Variants in TOR1AIP1 observed in about 807,000 individuals in gnomAD.
TOR1AIP1 encodes the protein torsin-1A-interacting protein 1.
A neutral mutation model predicts 63.3 loss-of-function variants in TOR1AIP1; 54 were observed. The observed-to-expected ratio is 0.85, with a 90% CI of 0.69 to 1.07. The LOEUF is 1.07. Among genes scored for constraint, TOR1AIP1 ranks in the 50% least tolerant of loss-of-function variants. TOR1AIP1 has a pLI of 0.00. For synonymous variants in TOR1AIP1, 294 were observed against 273.5 expected (o/e 1.07, Z -0.74); for missense variants, 736 against 715.0 (o/e 1.03, Z -0.33).
At chr1:179,913,367 T>C (rs1648899076) in intron 8 of TOR1AIP1, among the ~76,000 whole-genome samples, 1 of 152,200 alleles carries the variant, frequency 6.6e-6, no homozygotes, top group Admixed American at 6.5e-5. Context: ...AAAACAGAAT[T>C]ACTTTATTAC....
chr1:179,913,781 C>T (rs905843653), intron 8 of TOR1AIP1, among the ~76,000 whole-genome samples: 1 of 152,192 alleles, frequency 6.6e-6, no homozygotes, highest in Admixed American at 6.5e-5. Flanking sequence ...CTAGACCCCA[C>T]CATATGCTGT....
chr1:179,883,709 A>G (rs1329420266), intron 1 of TOR1AIP1: 2 of 456,272 alleles, frequency 4.4e-6, no homozygotes, highest in Non-Finnish European at 8.8e-6. Flanking sequence ...CCTGAAAAAC[A>G]AGACTATTAA....
At chr1:179,917,023 A>G (rs1187868780) in intron 9 of TOR1AIP1, among the ~76,000 whole-genome samples, 2 of 152,136 alleles carry the variant, frequency 1.3e-5, no homozygotes, top group Non-Finnish European at 2.9e-5. Flanking sequence ...TACTTCAGAA[A>G]TATTTCACCT....
At chr1:179,901,231 T>A in intron 4 of TOR1AIP1, 71 bp from the exon 5 acceptor site, 1 of 998,178 alleles carries the variant, frequency 1.0e-6, no homozygotes, top group Non-Finnish European at 1.5e-6. Flanking sequence ...ATTATTTGCT[T>A]GGTTTTTTTA....
At chr1:179,893,155 A>G (rs1005199780) in intron 3 of TOR1AIP1, among the ~76,000 whole-genome samples, 1 of 151,984 alleles carries the variant, frequency 6.6e-6, no homozygotes, top group African/African-American at 2.4e-5. Context: ...GGCAGGGAGA[A>G]TTGCCTGAAC....
intron 6 of TOR1AIP1, 147 bp from the exon 7 acceptor site, chr1:179,907,676 A>G: frequency 3.3e-6 from 1 of 299,576 alleles, no homozygotes; most frequent in Non-Finnish European, 6.1e-6. Flanking sequence ...TACTTTATAT[A>G]TTTATATGCT....
At chr1:179,897,469 T>G (rs1648323567) in intron 3 of TOR1AIP1, among the ~76,000 whole-genome samples, 1 of 152,166 alleles carries the variant, frequency 6.6e-6, no homozygotes, top group Admixed American at 6.6e-5. Flanking sequence ...TATCTTCAAA[T>G]GTATACAGAT....
Position 179,918,172 on chromosome 1 carries a change from G to A in TOR1AIP1, c.1685G>A (p.Ser562Asn). ...MDPDKLNGLW[S>N]RISHLVLPVQ... ...CCAGACAAACTGAATGGCCTCTGGA[G>A]CCGTATTTCTCACTTAGTTCTGCCT... Residue 562 changes from serine (S) to asparagine (N), a missense_variant, in exon 10 of 10, where the codon AGC becomes AAC. Physicochemically the swap from Ser to Asn is conservative, Grantham distance 46. This residue lies in a region of TOR1AIP1 where 272 missense variants were observed against 344.1 expected (regional missense o/e 0.79). Transcript: ENST00000606911. 1 of 1,612,298 alleles carries A rather than the reference G, an allele frequency of 6.2e-7. No individual in the cohort carries two copies. Among genetic ancestry groups the A allele is most frequent in the South Asian group, 1.1e-5 (1 of 91,078 alleles).
chr1:179,908,523 T>C (rs984020867), intron 7 of TOR1AIP1, 82 bp from the exon 8 acceptor site: 21 of 1,120,104 alleles, frequency 1.9e-5, no homozygotes, highest in African/African-American at 9.5e-5. Context: ...GTCTTTCTGA[T>C]AGATTAATTT....
Position 179,884,754 on chromosome 1 carries a change from A to ATGT in TOR1AIP1, c.539_540insGTT (p.Ile180delinsMetLeu). 6.2e-7 allele frequency: 1 copy of ATGT among 1,610,280 alleles called. No homozygotes were observed. ...GATCTCAAAGAAAACTGTCAGGAGC[A>ATGT]TACAAGAGGCTCCAGGTAAGAATAG... On this transcript the variant is annotated protein_altering_variant, in exon 2 of 10. Coordinates refer to ENST00000606911, the MANE Select transcript of TOR1AIP1 (RefSeq NM_015602.4).
chr1:179,910,980 A>T (rs1648816762), intron 8 of TOR1AIP1, among the ~76,000 whole-genome samples: 1 of 152,244 alleles, frequency 6.6e-6, no homozygotes, highest in African/African-American at 2.4e-5. Flanking sequence ...GCTAATTTTT[A>T]GTATTTTATC....
rs573876426 is a variant in TOR1AIP1, at chr1:179,887,588, G to A, written c.554-1725G>A. Among the ~76,000 whole-genome samples, 865 of 152,232 alleles carry A rather than the reference G, an allele frequency of 5.7e-3. 3 individuals are homozygous for A. The highest frequency in any genetic ancestry group is 0.017 in the South Asian group (82 of 4,824). On this transcript the variant is annotated intron_variant, in intron 2 of 9. Coordinates refer to ENST00000606911, the MANE Select transcript of TOR1AIP1 (RefSeq NM_015602.4). The stretch of plus-strand genomic sequence containing the variant: ...TGTTTTCACTTAAAATAGCCGTTAG[G>A]TTGTTTAATCAATTCAGGTTATATA...
At chr1:179,908,744 A>C (rs779536765) in intron 8 of TOR1AIP1, 71 bp downstream of exon 8, 10 of 1,256,718 alleles carry the variant, frequency 8.0e-6, no homozygotes, top group African/African-American at 1.5e-5. Flanking sequence ...AAAAATATTT[A>C]GTTCTTCAGA....
At chr1:179,906,376 C>T (rs553168190) in intron 6 of TOR1AIP1, among the ~76,000 whole-genome samples, 10 of 152,006 alleles carry the variant, frequency 6.6e-5, no homozygotes, top group Non-Finnish European at 1.3e-4. Flanking sequence ...ACAGCTAGCA[C>T]ATGTTTGTAT....
At chr1:179,884,191 A>G (rs1027540914) in intron 1 of TOR1AIP1, among the ~76,000 whole-genome samples, 3 of 152,174 alleles carry the variant, frequency 2.0e-5, no homozygotes, top group Non-Finnish European at 4.4e-5. Flanking sequence ...AATATATTTG[A>G]TAGTAATTTA....
At chr1:179,891,588 C>T (rs971549234) in intron 3 of TOR1AIP1, among the ~76,000 whole-genome samples, 4 of 151,452 alleles carry the variant, frequency 2.6e-5, no homozygotes, top group African/African-American at 9.7e-5. Flanking sequence ...TTTCTCGAGA[C>T]AGGCTCTTGC....
chr1:179,910,218 A>G (rs1012498815), intron 8 of TOR1AIP1, among the ~76,000 whole-genome samples: 2 of 152,160 alleles, frequency 1.3e-5, no homozygotes, highest in Admixed American at 6.6e-5. Flanking sequence ...AAGTCCATGC[A>G]TATTCTCTGC....
At chr1:179,886,498 C>T (rs1269086420) in intron 2 of TOR1AIP1, among the ~76,000 whole-genome samples, 3 of 152,246 alleles carry the variant, frequency 2.0e-5, no homozygotes, top group Non-Finnish European at 2.9e-5. Context: ...CTCACAGGGC[C>T]TCTGAAGAAA....
In TOR1AIP1 at chr1:179,895,966, G is replaced by A. The variant is rs527257008; in HGVS notation, c.611-4160G>A. ...AACAAAATCTAATGCTTTAACTTTC[G>A]ACATGTAGCAGCCAAGTTTAAAATA... On this transcript the variant is annotated intron_variant, in intron 3 of 9. Transcript: ENST00000606911. 1.7e-4 allele frequency among the ~76,000 whole-genome samples: 25 copies of A among 150,836 alleles called. No homozygotes were observed. The East Asian group carries it at 2.7e-3, about 16-fold the overall frequency.
Sources: gnomAD v4.1 joint callset for allele counts (sites outside exome capture counted in the v4.1 genomes callset) on GRCh38, gnomAD v4.1.1 for gene constraint, gnomAD v4.1.1 regional missense constraint, MANE v1.5 for transcripts, NCBI Gene and HGNC (gene_info 2026-07-23, HGNC 2026-07-21) for gene names.